Variants in UIMC1 observed in about 807,000 individuals in gnomAD.
The protein encoded by UIMC1 is BRCA1-A complex subunit RAP80.
A neutral mutation model predicts 84.9 loss-of-function variants in UIMC1; 42 were observed. The ratio of observed to expected loss-of-function variants is 0.49; its 90% confidence interval spans 0.39 to 0.64. The LOEUF is 0.64. Among genes scored for constraint, UIMC1 ranks in the 30% least tolerant of loss-of-function variants. The probability of loss-of-function intolerance (pLI) is 0.00; values close to 1 mark genes in which losing one functional copy is unlikely to be tolerated. For missense variants in UIMC1, 825 were observed against 847.6 expected (o/e 0.97, Z 0.33); for synonymous variants, 281 against 293.0 (o/e 0.96, Z 0.42).
chr5:176,948,065 G>T (rs1016445243), intron 9 of UIMC1, among the ~76,000 whole-genome samples: 1 of 151,446 alleles, frequency 6.6e-6, no homozygotes, highest in Admixed American at 6.6e-5. Context: ...CTCACCACAC[G>T]ACTCTTAACA....
At chr5:176,953,153 C>T (rs777278857) in intron 8 of UIMC1, among the ~76,000 whole-genome samples, 23 of 152,242 alleles carry the variant, frequency 1.5e-4, no homozygotes, top group South Asian at 4.2e-4. Context: ...ACTGAATCTG[C>T]CAACTCCTTG....
upstream of UIMC1, among the ~76,000 whole-genome samples, chr5:177,011,193 CAA>C (rs752829956): frequency 8.5e-6 from 1 of 118,032 alleles, no homozygotes; most frequent in Admixed American, 8.7e-5. Context: ...GACCCTGTCA[CAA>C]AAAAAAAAAG....
intron 10 of UIMC1, among the ~76,000 whole-genome samples, chr5:176,922,387 G>T (rs1761816871): frequency 6.6e-6 from 1 of 152,176 alleles, no homozygotes; most frequent in African/African-American, 2.4e-5. Flanking sequence ...CCCTACAATT[G>T]GCTTAGCCAG....
At position 176,975,429 on chromosome 5, in the gene UIMC1, T is replaced by C. The variant is rs1769908829; in HGVS notation, c.199A>G (p.Arg67Gly). ...TTTCTTTTGGCCAAACACTTTGCTCTATTCGACTGTTTTGTCTTCGTTTTC... is the reference window on the plus strand; with the variant it reads ...TTTCTTTTGGCCAAACACTTTGCTCCATTCGACTGTTTTGTCTTCGTTTTC... ...LQKTKTKQSN[R>G]AKCLAKRKIA... The change falls in exon 3 of 15, where the codon AGA becomes GGA. Residue 67 changes from arginine to glycine, a missense_variant. Coordinates refer to ENST00000511320, the MANE Select transcript of UIMC1 (RefSeq NM_001199298.2). 3.7e-6 allele frequency: 6 copies of C among 1,614,072 alleles called. No homozygotes were observed. The highest frequency in any genetic ancestry group is 4.2e-6 in the Non-Finnish European group (5 of 1,179,990).
chr5:176,934,657 C>G (rs1333730899), intron 10 of UIMC1, among the ~76,000 whole-genome samples: 1 of 152,212 alleles, frequency 6.6e-6, no homozygotes, highest in African/African-American at 2.4e-5. Context: ...CAGATACTAA[C>G]AGAATTTCTC....
At chr5:176,994,563 T>C (rs1315505161) in intron 1 of UIMC1, among the ~76,000 whole-genome samples, 4 of 151,136 alleles carry the variant, frequency 2.6e-5, no homozygotes, top group Admixed American at 1.3e-4. Flanking sequence ...GTCATTCTGT[T>C]GCAGGAATCT....
At chr5:177,022,536 T>C (rs1775916368) in exon 1 of UIMC1, 1 of 546,134 alleles carries the variant, frequency 1.8e-6, no homozygotes, top group Non-Finnish European at 3.1e-6. Context: ...TGCTGCGGAA[T>C]CAGCGACAGG....
chr5:176,911,472 A>C, intron 10 of UIMC1, 83 bp from the exon 11 acceptor site: 1 of 1,012,788 alleles, frequency 9.9e-7, no homozygotes, highest in Non-Finnish European at 1.3e-6. Flanking sequence ...GCACAGGAAG[A>C]AGCAAAGTTT....
chr5:176,966,004 G>T (rs962863889), intron 6 of UIMC1, among the ~76,000 whole-genome samples: 1 of 152,140 alleles, frequency 6.6e-6, no homozygotes, highest in Non-Finnish European at 1.5e-5. Context: ...CTTTCCTTTG[G>T]AAAAGAAACC....
At chr5:177,017,860 C>G (rs353470) in intron 1 of UIMC1, among the ~76,000 whole-genome samples, 2 of 151,192 alleles carry the variant, frequency 1.3e-5, no homozygotes, top group African/African-American at 4.9e-5. Context: ...CCATGTTGCC[C>G]ATGATGGTCT....
chr5:176,970,413 CTAGAGAAGT>C (rs1769029561), intron 4 of UIMC1: 1 of 357,788 alleles, frequency 2.8e-6, no homozygotes, highest in African/African-American at 2.1e-5. Context: ...TCCCACAATA[CTAGAGAAGT>C]TAGCATCTTA....
chr5:176,982,521 C>T lies in UIMC1; in HGVS notation c.95G>A (p.Arg32Lys). 6.2e-7 allele frequency: 1 copy of T among 1,614,132 alleles called. No homozygotes were observed. The highest frequency in any genetic ancestry group is 1.3e-5 in the African/African-American group (1 of 75,052). Residue 32 changes from arginine to lysine, a missense_variant, in exon 2 of 15, where the codon AGG (arginine) becomes AAG (lysine). By Grantham distance (26) the Arg-to-Lys change is conservative. Coordinates refer to ENST00000511320, the MANE Select transcript of UIMC1 (RefSeq NM_001199298.2). ...VETTSSVSVK[R>K]KRRLEDAFIV... ...GAATGCATCCTCAAGTCTACGCTTC[C>T]TCTTCACACTGACAGAACTGGTAGT...
At chr5:176,912,735 G>A (rs537971650) in intron 10 of UIMC1, among the ~76,000 whole-genome samples, 42 of 146,492 alleles carry the variant, frequency 2.9e-4, no homozygotes, top group East Asian at 1.4e-3. Flanking sequence ...GCACAATCTC[G>A]GCTCACTGCA....
At chr5:176,992,895 C>G (rs1158294945) in intron 1 of UIMC1, among the ~76,000 whole-genome samples, 5 of 151,994 alleles carry the variant, frequency 3.3e-5, no homozygotes, top group African/African-American at 9.7e-5. Flanking sequence ...AATATACAAA[C>G]AATTATTGGG....
At chr5:177,002,785 G>A (rs1774719143) in intron 1 of UIMC1, among the ~76,000 whole-genome samples, 1 of 151,938 alleles carries the variant, frequency 6.6e-6, no homozygotes, top group Non-Finnish European at 1.5e-5. Flanking sequence ...GACAGAACGA[G>A]ACTCTGTCTC....
In UIMC1 at chr5:176,982,722, G is replaced by A. The variant is rs1771239026; in HGVS notation, c.-8-99C>T. The A allele has an allele frequency of 2.2e-6, 3 of 1,361,576 alleles. No homozygotes were observed. In the African/African-American group the frequency reaches 4.4e-5, roughly 20 times the overall value. The allele number at this position is 1,361,576 out of a possible 1,614,324, so 84.3% of individuals were successfully genotyped here. On this transcript the variant is annotated intron_variant, in intron 1 of 14. Coordinates refer to ENST00000511320, the MANE Select transcript of UIMC1 (RefSeq NM_001199298.2). ...GCTATTCAACTTAGTCTTTTTTTGA[G>A]ATGGTCTCGCTTTGTTGCCCAGGCT... is the stretch of plus-strand genomic sequence containing the variant.
At chr5:177,012,633 C>T (rs1454699886) in intron 1 of UIMC1, among the ~76,000 whole-genome samples, 1 of 151,892 alleles carries the variant, frequency 6.6e-6, no homozygotes, top group East Asian at 1.9e-4. Flanking sequence ...GTGGAGGTTG[C>T]AATGAGCTGA....
chr5:176,971,709 G>A lies in UIMC1; in HGVS notation c.233-843C>T, dbSNP rs117552458. Among the ~76,000 whole-genome samples the A allele has an allele frequency of 5.4e-3, 820 of 152,070 alleles. 24 individuals carry two copies. The East Asian group carries it at 0.067, about 13-fold the overall frequency. On this transcript the variant is annotated intron_variant, in intron 3 of 14. Transcript: ENST00000511320. ...GGATCATGTGAGGTCAGGAATTCGA[G>A]ACCATCACGGACAACATGGTGAAAC...
chr5:177,009,376 GAA>G (rs1775494985), upstream of UIMC1, among the ~76,000 whole-genome samples: 1 of 151,038 alleles, frequency 6.6e-6, no homozygotes, highest in African/African-American at 2.4e-5. The surrounding 1 kb of genome is among the most constrained non-coding windows in gnomAD (Gnocchi z 4.3). Flanking sequence ...TCAGAGCTTA[GAA>G]GAGAGGAAAA....
Sources: gnomAD v4.1 joint callset for allele counts (sites outside exome capture counted in the v4.1 genomes callset) on GRCh38, gnomAD v4.1.1 for gene constraint, Gnocchi (gnomAD v3.1) non-coding constraint, MANE v1.5 for transcripts, NCBI Gene and HGNC (gene_info 2026-07-23, HGNC 2026-07-21) for gene names.